FOXP4: variants seen among roughly 807,000 people sequenced by gnomAD.
FOXP4 encodes forkhead box protein P4.
A neutral mutation model predicts 82.6 loss-of-function variants in FOXP4; 25 were observed. The ratio of observed to expected loss-of-function variants is 0.30; its 90% confidence interval spans 0.22 to 0.42. The LOEUF (loss-of-function observed/expected upper bound fraction) is 0.42, where lower values mean the gene tolerates loss of function less well. Among genes scored for constraint, FOXP4 ranks in the 10% least tolerant of loss-of-function variants. The pLI, the probability that FOXP4 is intolerant of heterozygous loss-of-function variation, is 1.00. For missense variants in FOXP4, 785 were observed against 900.9 expected, an observed-to-expected ratio of 0.87 and a Z score of 1.65; for synonymous variants, 415 against 388.2, an observed-to-expected ratio of 1.07 and a Z score of -0.81.
At position 41,599,849 on chromosome 6, in the gene FOXP4, C is replaced by A. The variant is rs929678247; in HGVS notation, c.*913C>A. 1 of 152,660 alleles carries A rather than the reference C, an allele frequency of 6.6e-6. No individual in the cohort carries two copies. Among genetic ancestry groups the A allele is most frequent in the Non-Finnish European group, 1.5e-5 (1 of 68,154 alleles). 9.5% of individuals were successfully genotyped at this position (152,660 alleles called of 1,614,324 possible). A position where few individuals can be genotyped will look rare whatever the true frequency, so the allele number is the denominator to read the frequency against. On this transcript the variant is annotated 3_prime_UTR_variant, in exon 17 of 17. Coordinates refer to ENST00000307972, the MANE Select transcript of FOXP4 (RefSeq NM_001012426.2). ...GCAGTCCTCTCACCCTCCCTCAGCT[C>A]CCCTTCCTCTGCAGTCACCCTCAGC...
intron 1 of FOXP4, among the ~76,000 whole-genome samples, chr6:41,561,451 C>T: frequency 6.6e-6 from 1 of 152,188 alleles, no homozygotes; most frequent in African/African-American, 2.4e-5. Context: ...AGAAAGAGCA[C>T]CCCAGTGACT....
At chr6:41,547,256 C>T (rs984692234) in intron 1 of FOXP4, among the ~76,000 whole-genome samples, 160 of 152,198 alleles carry the variant, frequency 1.1e-3, no homozygotes, top group Non-Finnish European at 1.7e-3. Flanking sequence ...GCCCCGCCCC[C>T]TCCCCGCCGG....
intron 1 of FOXP4, among the ~76,000 whole-genome samples, chr6:41,560,894 G>C (rs955906810): frequency 6.6e-6 from 1 of 152,226 alleles, no homozygotes; most frequent in African/African-American, 2.4e-5. Context: ...CCGCATGTGG[G>C]GTTCCCCTTC....
At chr6:41,594,836 G>A (rs1009909955) in intron 13 of FOXP4, 34 bp from the exon 14 acceptor site, 1 of 1,612,142 alleles carries the variant, frequency 6.2e-7, no homozygotes, top group African/African-American at 1.3e-5. Context: ...GGCCAAGCAA[G>A]CCGCCTCTGA....
intron 1 of FOXP4, among the ~76,000 whole-genome samples, chr6:41,557,257 G>A: frequency 6.6e-6 from 1 of 152,152 alleles, no homozygotes; most frequent in Admixed American, 6.5e-5. Flanking sequence ...AAGAGGTTAG[G>A]GCCCGAGAGT....
At chr6:41,555,884 G>A (rs1764248677) in intron 1 of FOXP4, among the ~76,000 whole-genome samples, 1 of 152,210 alleles carries the variant, frequency 6.6e-6, no homozygotes, top group South Asian at 2.1e-4. Context: ...TAGACACTTA[G>A]ATGGCTCTTA....
intron 2 of FOXP4, among the ~76,000 whole-genome samples, chr6:41,576,662 G>A (rs2127373007): frequency 6.6e-6 from 1 of 152,302 alleles, no homozygotes. Context: ...AGAGCCGAAG[G>A]GAGTGAATAC....
intron 1 of FOXP4, among the ~76,000 whole-genome samples, chr6:41,556,111 TCGGGGAGTTAGGACG>T (rs1334371779): frequency 6.6e-6 from 1 of 151,928 alleles, no homozygotes; most frequent in South Asian, 2.1e-4. Flanking sequence ...CCAGAGTGAC[TCGGGGAGTTAGGACG>T]CGGGGAGGAG....
Position 41,594,945 on chromosome 6 carries a change from G to C in FOXP4, c.1612G>C (p.Val538Leu). ...VENVKGAVWT[V>L]DEREYQKRRP... ...GAACGTCAAGGGTGCCGTGTGGACT[G>C]TGGACGAGCGGGAGTATCAGAAGCG... The change falls in exon 14 of 17, where the codon GTG (valine) becomes CTG (leucine). Residue 538 changes from valine to leucine, a missense_variant. Physicochemically the swap from Val to Leu is conservative, Grantham distance 32. Around this residue, in one of 3 missense-constraint regions of FOXP4, gnomAD observed 31 missense variants for 79.6 expected, o/e 0.39. Coordinates refer to ENST00000307972, the MANE Select transcript of FOXP4 (RefSeq NM_001012426.2). The C allele has an allele frequency of 6.2e-7, 1 of 1,614,204 alleles. No individual in the cohort carries two copies. The highest frequency in any genetic ancestry group is 8.5e-7 in the Non-Finnish European group (1 of 1,180,040).
intron 1 of FOXP4, among the ~76,000 whole-genome samples, chr6:41,562,948 A>AT (rs1412692134): frequency 6.6e-6 from 1 of 152,168 alleles, no homozygotes; most frequent in African/African-American, 2.4e-5. Context: ...CACCCCATCC[A>AT]TCATTTCACC....
At chr6:41,549,201 G>A (rs1449267694) in intron 1 of FOXP4, among the ~76,000 whole-genome samples, 4 of 152,068 alleles carry the variant, frequency 2.6e-5, no homozygotes, top group Non-Finnish European at 4.4e-5. Context: ...TGGCACCAAG[G>A]GCTGGGCGCC....
At chr6:41,549,589 AG>A (rs1425754722) in intron 1 of FOXP4, among the ~76,000 whole-genome samples, 1 of 152,034 alleles carries the variant, frequency 6.6e-6, no homozygotes, top group East Asian at 1.9e-4. Flanking sequence ...CTTTTGATCC[AG>A]TAATTCCCCC....
At chr6:41,567,174 AC>A (rs1764931341) in intron 2 of FOXP4, among the ~76,000 whole-genome samples, 1 of 152,230 alleles carries the variant, frequency 6.6e-6, no homozygotes, top group Non-Finnish European at 1.5e-5. Context: ...CATGACCTTG[AC>A]CAAGTCATGA....
chr6:41,585,192 C>G (rs1766036001), intron 4 of FOXP4, among the ~76,000 whole-genome samples: 1 of 152,174 alleles, frequency 6.6e-6, no homozygotes, highest in Non-Finnish European at 1.5e-5. Flanking sequence ...CTGTGACCTG[C>G]TCAGGAGATC....
chr6:41,591,145 A>C lies in FOXP4; in HGVS notation c.1435-76A>C. On this transcript the variant is annotated intron_variant, in intron 12 of 16. Coordinates refer to ENST00000307972, the MANE Select transcript of FOXP4 (RefSeq NM_001012426.2). The surrounding 1 kb of genome is among the most constrained non-coding windows in gnomAD (Gnocchi z 4.2). The stretch of plus-strand genomic sequence containing the variant: ...TCGGGGCTAGGCAGAAGGGAGAGGT[A>C]CTGGGGGAGGGAACCCAGGGCTGTG... The C allele has an allele frequency of 1.7e-6, 2 of 1,178,606 alleles. No homozygotes were observed. The highest frequency in any genetic ancestry group is 2.5e-6 in the Non-Finnish European group (2 of 806,990). 73.0% of individuals were successfully genotyped at this position (1,178,606 alleles called of 1,614,324 possible).
intron 8 of FOXP4, 71 bp from the exon 9 acceptor site, chr6:41,588,573 G>A: frequency 6.9e-7 from 1 of 1,454,132 alleles, no homozygotes; most frequent in Non-Finnish European, 9.7e-7. Context: ...GGGATTAGAG[G>A]ATAGGATGGG....
intron 16 of FOXP4, 31 bp from the exon 17 acceptor site, chr6:41,598,758 G>T: frequency 8.4e-6 from 13 of 1,549,812 alleles, no homozygotes; most frequent in Non-Finnish European, 1.1e-5. Context: ...GAGGACAGCC[G>T]CCTGGTGCCC....
At chr6:41,595,061 A>G in intron 14 of FOXP4, 70 bp downstream of exon 14, 2 of 1,600,962 alleles carry the variant, frequency 1.2e-6, no homozygotes, top group Non-Finnish European at 1.7e-6. Flanking sequence ...CCCACCCCCT[A>G]CCTCTCCAGG....
In FOXP4 at chr6:41,597,819, C is replaced by T. The variant is rs905055661; in HGVS notation, c.1764C>T (p.Ser588=). 4 of 1,607,254 alleles carry T rather than the reference C, an allele frequency of 2.5e-6. No individual in the cohort carries two copies. Among genetic ancestry groups the T allele is most frequent in the Non-Finnish European group, 2.5e-6 (3 of 1,179,192 alleles). The change falls in exon 16 of 17, where the codon AGC becomes AGT. Residue 588 remains serine (S), a synonymous_variant. Transcript: ENST00000307972. Reference sequence around the variant, plus strand: ...AGAGCAGCTTCCCCCTCCTCAACAGCCCTGGCATGCTGAACCCTGGCTCCG... The same window carrying T: ...AGAGCAGCTTCCCCCTCCTCAACAGTCCTGGCATGCTGAACCCTGGCTCCG... ...LAESSFPLLN[S]PGMLNPGSAS...
Sources: gnomAD v4.1 joint callset for allele counts (sites outside exome capture counted in the v4.1 genomes callset) on GRCh38, gnomAD v4.1.1 for gene constraint, gnomAD v4.1.1 regional missense constraint, Gnocchi (gnomAD v3.1) non-coding constraint, MANE v1.5 for transcripts, NCBI Gene and HGNC (gene_info 2026-07-23, HGNC 2026-07-21) for gene names.